Variants in ADAMTS6 observed in about 807,000 individuals in gnomAD.
ADAMTS6 encodes the protein A disintegrin and metalloproteinase with thrombospondin motifs 6.
In ADAMTS6, 23 loss-of-function variants were observed where a neutral mutation model predicts 144.3. That is an observed-to-expected ratio of 0.16 (90% CI 0.11 to 0.23). The LOEUF is 0.23. ADAMTS6 is among the 10% of genes least tolerant of loss of function. ADAMTS6 has a pLI of 1.00. For synonymous variants in ADAMTS6, 444 were observed against 457.5 expected (o/e 0.97, Z 0.38); for missense variants, 999 against 1,379.6 (o/e 0.72, Z 4.37).
At chr5:65,173,128 T>C (rs1753737482) in intron 22 of ADAMTS6, 120 bp from the exon 23 acceptor site, 6 of 954,638 alleles carry the variant, frequency 6.3e-6, no homozygotes, top group Non-Finnish European at 7.6e-6. Context: ...TACTAAGTTC[T>C]AGGCAAAGTC....
At chr5:65,154,653 C>A (rs1752313211) in intron 24 of ADAMTS6, among the ~76,000 whole-genome samples, 1 of 152,160 alleles carries the variant, frequency 6.6e-6, no homozygotes, top group Non-Finnish European at 1.5e-5. Flanking sequence ...GATACTTCAT[C>A]TCCAAAATAA....
chr5:65,406,461 G>A (rs544349212), intron 7 of ADAMTS6, among the ~76,000 whole-genome samples: 39 of 152,146 alleles, frequency 2.6e-4, no homozygotes, highest in Middle Eastern at 3.4e-3. Context: ...ATTGATTTGC[G>A]TATGTTAAAC....
intron 14 of ADAMTS6, among the ~76,000 whole-genome samples, chr5:65,249,562 T>C (rs148050468): frequency 9.2e-5 from 14 of 152,290 alleles, no homozygotes; most frequent in South Asian, 4.1e-4. Flanking sequence ...TTAAATAAAC[T>C]AAATAAACTT....
At chr5:65,261,182 T>A (rs1561344789) in intron 13 of ADAMTS6, among the ~76,000 whole-genome samples, 1 of 152,166 alleles carries the variant, frequency 6.6e-6, no homozygotes, top group Non-Finnish European at 1.5e-5. Flanking sequence ...TTCCATCTTA[T>A]TTCAAAATAG....
intron 20 of ADAMTS6, among the ~76,000 whole-genome samples, chr5:65,206,383 A>G (rs537084046): frequency 6.6e-6 from 1 of 152,300 alleles, no homozygotes; most frequent in East Asian, 1.9e-4. Flanking sequence ...TAGTAGTTGG[A>G]AATCATATAA....
At chr5:65,439,299 C>T (rs558433332) in intron 7 of ADAMTS6, among the ~76,000 whole-genome samples, 28 of 151,878 alleles carry the variant, frequency 1.8e-4, no homozygotes, top group South Asian at 8.4e-4. Context: ...TTTACAGTCT[C>T]GAGGTAACTT....
chr5:65,237,419 G>GAAAATAAAAT (rs59027594), intron 15 of ADAMTS6, among the ~76,000 whole-genome samples: 35,989 of 138,746 alleles, frequency 0.26, 5,435 homozygotes, highest in African/African-American at 0.44. Context: ...AACTCCACAA[G>GAAAATAAAAT]AAAATAAAAT....
intron 19 of ADAMTS6, among the ~76,000 whole-genome samples, 188 bp from the exon 20 acceptor site, chr5:65,215,120 G>C (rs937868512): frequency 2.0e-5 from 3 of 152,118 alleles, no homozygotes; most frequent in African/African-American, 7.2e-5. Flanking sequence ...GCTTTCATCT[G>C]TCTTGTTTGG....
At chr5:65,285,423 T>C (rs898316766) in intron 11 of ADAMTS6, among the ~76,000 whole-genome samples, 10 of 152,158 alleles carry the variant, frequency 6.6e-5, no homozygotes, top group African/African-American at 2.4e-4. Context: ...TGAGTTCCCA[T>C]ATGCCAGGCA....
intron 3 of ADAMTS6, among the ~76,000 whole-genome samples, 175 bp from the exon 4 acceptor site, chr5:65,460,513 AT>A (rs1228675090): frequency 4.6e-5 from 7 of 152,204 alleles, no homozygotes; most frequent in Admixed American, 4.6e-4. Context: ...AAATGTTCCT[AT>A]TCTTTAAAAA....
chr5:65,225,953 T>C (rs1001094551), intron 16 of ADAMTS6, 133 bp downstream of exon 16: 1 of 958,494 alleles, frequency 1.0e-6, no homozygotes, highest in Non-Finnish European at 1.4e-6. Flanking sequence ...TTTATTACTC[T>C]TAATGGAAAT....
At chr5:65,209,236 T>A (rs1756325185) in intron 20 of ADAMTS6, among the ~76,000 whole-genome samples, 1 of 152,230 alleles carries the variant, frequency 6.6e-6, no homozygotes, top group Non-Finnish European at 1.5e-5. Context: ...CAGACAAGAT[T>A]CATTAATTAG....
At chr5:65,199,897 A>C (rs1755624865) in intron 20 of ADAMTS6, among the ~76,000 whole-genome samples, 2 of 152,256 alleles carry the variant, frequency 1.3e-5, no homozygotes, top group East Asian at 3.9e-4. Context: ...CTGGGAATCA[A>C]GAGTACTTAG....
chr5:65,463,196 A>T lies in ADAMTS6; in HGVS notation c.463-2858T>A, dbSNP rs76342404. Among the ~76,000 whole-genome samples, 752 of 152,262 alleles carry T rather than the reference A, an allele frequency of 4.9e-3. 8 individuals carry two copies. Among genetic ancestry groups the T allele is most frequent in the African/African-American group, 0.017 (696 of 41,554 alleles). The stretch of plus-strand genomic sequence containing the variant: ...ACAGAGAATAATTAGAAGTGAGAGA[A>T]TTATACAAACTATTGGATAGTTGCA... On this transcript the variant is annotated intron_variant, in intron 3 of 24. Coordinates refer to ENST00000381055, the MANE Select transcript of ADAMTS6 (RefSeq NM_197941.4).
Position 65,150,743 on chromosome 5 carries a change from T to C in ADAMTS6, c.*1093A>G, listed in dbSNP as rs1752103124. 1 of 152,642 alleles carries C rather than the reference T, an allele frequency of 6.6e-6. No individual in the cohort carries two copies. The highest frequency in any genetic ancestry group is 2.4e-5 in the African/African-American group (1 of 41,444). The allele number at this position is 152,642 out of a possible 1,614,324, so 9.5% of individuals were successfully genotyped here. A position where few individuals can be genotyped will look rare whatever the true frequency, so the allele number is the denominator to read the frequency against. ...GCTCTCATATAAATAAATGCCCTTC[T>C]ACCATATCAAAGAAGGGACATCTGG... On this transcript the variant is annotated 3_prime_UTR_variant, in exon 25 of 25. Transcript: ENST00000381055.
intron 7 of ADAMTS6, among the ~76,000 whole-genome samples, chr5:65,391,563 C>T (rs1176240826): frequency 6.6e-6 from 1 of 152,030 alleles, no homozygotes; most frequent in African/African-American, 2.4e-5. Context: ...TACATTGCAA[C>T]ACTTTTACCT....
At chr5:65,471,282 A>G (rs1236436585) in intron 2 of ADAMTS6, 140 bp from the exon 3 acceptor site, 4 of 788,022 alleles carry the variant, frequency 5.1e-6, no homozygotes, top group African/African-American at 1.8e-5. Flanking sequence ...ATGTACAAAA[A>G]AAGTTATATT....
chr5:65,292,389 T>G (rs1742403893), intron 10 of ADAMTS6, among the ~76,000 whole-genome samples: 1 of 151,734 alleles, frequency 6.6e-6, no homozygotes, highest in Non-Finnish European at 1.5e-5. Context: ...CACTTGTGTT[T>G]TTTTTTTTTT....
intron 22 of ADAMTS6, among the ~76,000 whole-genome samples, chr5:65,175,202 G>A (rs1482055830): frequency 6.6e-6 from 1 of 151,842 alleles, no homozygotes; most frequent in Non-Finnish European, 1.5e-5. Context: ...GGAGGAAAGA[G>A]AGAGAAAAAG....
Sources: allele counts gnomAD v4.1 joint callset (sites outside exome capture counted in the v4.1 genomes callset), GRCh38; gene constraint gnomAD v4.1.1; transcripts MANE v1.5; gene names NCBI Gene and HGNC (gene_info 2026-07-23, HGNC 2026-07-21).